Variants in LINGO2 observed in about 807,000 individuals in gnomAD.
LINGO2 encodes leucine rich repeat and Ig domain containing 2.
LINGO2 carries 14 observed loss-of-function variants against 30.6 expected under a neutral mutation model. The ratio of observed to expected loss-of-function variants is 0.46; its 90% CI spans 0.30 to 0.72. LINGO2 has a LOEUF of 0.72. Ranked by LOEUF, LINGO2 falls within the 30% of genes least tolerant of loss-of-function variation. The pLI is 0.07. For synonymous variants in LINGO2, 317 were observed against 288.5 expected, an observed-to-expected ratio of 1.10 and a Z score of -1.00; for missense variants, 729 against 751.7, an observed-to-expected ratio of 0.97 and a Z score of 0.35.
chr9:29,124,851 A>G, the LINGO2 span, among the ~76,000 whole-genome samples: 7 of 152,230 alleles, frequency 4.6e-5, no homozygotes, highest in East Asian at 7.7e-4. Flanking sequence ...AAGACAGTGT[A>G]GCGATTCCTT....
the LINGO2 span, among the ~76,000 whole-genome samples, chr9:28,794,715 CA>C: frequency 2.6e-5 from 4 of 152,106 alleles, no homozygotes; most frequent in African/African-American, 4.8e-5. Flanking sequence ...GCTTTCTCAA[CA>C]GAGATAGAAG....
intron 4 of LINGO2, among the ~76,000 whole-genome samples, chr9:28,091,664 C>A (rs1368785475): frequency 2.6e-5 from 4 of 152,060 alleles, no homozygotes; most frequent in African/African-American, 9.7e-5. Flanking sequence ...TCTAAAACAC[C>A]AAAAGCAATG....
intron 4 of LINGO2, among the ~76,000 whole-genome samples, chr9:28,214,982 T>C (rs1344951077): frequency 6.6e-6 from 1 of 151,728 alleles, no homozygotes; most frequent in African/African-American, 2.4e-5. Flanking sequence ...ACATCCTTCT[T>C]GTTTTTTTAA....
At chr9:28,980,294 T>A in the LINGO2 span, among the ~76,000 whole-genome samples, 3 of 152,120 alleles carry the variant, frequency 2.0e-5, no homozygotes, top group Non-Finnish European at 4.4e-5. Flanking sequence ...CTGATCTCCA[T>A]ACTTCCATCT....
At chr9:28,138,930 T>C (rs1457857684) in intron 4 of LINGO2, among the ~76,000 whole-genome samples, 1 of 152,102 alleles carries the variant, frequency 6.6e-6, no homozygotes, top group East Asian at 1.9e-4. Context: ...GTTATTTGTC[T>C]AAGAAAAAAA....
the LINGO2 span, among the ~76,000 whole-genome samples, chr9:29,197,827 G>C: frequency 1.2e-4 from 19 of 152,080 alleles, no homozygotes; most frequent in South Asian, 6.2e-4. Context: ...TACAGTAACT[G>C]ACAGCAACAG....
At chr9:29,040,027 T>C in the LINGO2 span, among the ~76,000 whole-genome samples, 2 of 152,320 alleles carry the variant, frequency 1.3e-5, no homozygotes, top group Admixed American at 6.5e-5. Context: ...TATATTTTTA[T>C]AGAAATATTT....
chr9:28,397,374 CAT>C (rs375219396), intron 2 of LINGO2, among the ~76,000 whole-genome samples: 1,676 of 116,290 alleles, frequency 0.014, 34 homozygotes, highest in African/African-American at 0.052. Context: ...TATATATATA[CAT>C]ATATATATAT....
intron 4 of LINGO2, among the ~76,000 whole-genome samples, chr9:28,052,192 G>GA (rs1388476148): frequency 1.3e-5 from 2 of 152,046 alleles, no homozygotes; most frequent in Non-Finnish European, 2.9e-5. Flanking sequence ...ATTCTCAAAA[G>GA]AAAACCAAAA....
intron 1 of LINGO2, among the ~76,000 whole-genome samples, chr9:28,497,769 T>C (rs1001525802): frequency 4.6e-5 from 7 of 152,122 alleles, no homozygotes; most frequent in African/African-American, 1.7e-4. Context: ...TCTGCTCTGT[T>C]TTTTCCCCAT....
intron 4 of LINGO2, among the ~76,000 whole-genome samples, chr9:28,229,431 A>G (rs981022463): frequency 2.0e-5 from 3 of 151,778 alleles, no homozygotes; most frequent in African/African-American, 7.2e-5. Context: ...ATAAGTTAAT[A>G]GTAGGAACAA....
At chr9:28,219,845 C>A (rs1820895103) in intron 4 of LINGO2, among the ~76,000 whole-genome samples, 1 of 152,100 alleles carries the variant, frequency 6.6e-6, no homozygotes, top group African/African-American at 2.4e-5. Context: ...AGATTCATAA[C>A]AAAGATTAAA....
the LINGO2 span, among the ~76,000 whole-genome samples, chr9:29,079,633 A>AAGAAAT: frequency 6.6e-6 from 1 of 151,708 alleles, no homozygotes; most frequent in Non-Finnish European, 1.5e-5. Context: ...ATCTAGGTTA[A>AAGAAAT]AGAAATCCTT....
At chr9:29,123,867 G>C in the LINGO2 span, among the ~76,000 whole-genome samples, 1 of 151,954 alleles carries the variant, frequency 6.6e-6, no homozygotes, top group East Asian at 1.9e-4. Flanking sequence ...ACATAAATGA[G>C]ATACATGTAT....
At chr9:28,501,980 A>AGGG (rs1819905618) in intron 1 of LINGO2, among the ~76,000 whole-genome samples, 1 of 151,962 alleles carries the variant, frequency 6.6e-6, no homozygotes, top group Non-Finnish European at 1.5e-5. Flanking sequence ...AGTAGGAGGA[A>AGGG]GGGAGGAAGA....
intron 3 of LINGO2, among the ~76,000 whole-genome samples, chr9:28,310,066 T>C (rs538685824): frequency 1.3e-5 from 2 of 152,176 alleles, no homozygotes; most frequent in South Asian, 2.1e-4. Flanking sequence ...GAGTGTAATA[T>C]GACACAACCA....
At chr9:28,623,461 G>T (rs1826506001) in intron 1 of LINGO2, among the ~76,000 whole-genome samples, 1 of 151,884 alleles carries the variant, frequency 6.6e-6, no homozygotes, top group African/African-American at 2.4e-5. Context: ...CTTTTCCCCA[G>T]TGTATGTTCT....
chr9:29,018,775 T>C, the LINGO2 span, among the ~76,000 whole-genome samples: 39 of 152,286 alleles, frequency 2.6e-4, no homozygotes, highest in African/African-American at 8.9e-4. Context: ...TCTTATGCAC[T>C]GGACTAAGGA....
chr9:27,981,121 A>T (rs1348340200), intron 5 of LINGO2, among the ~76,000 whole-genome samples: 1 of 151,776 alleles, frequency 6.6e-6, no homozygotes, highest in Non-Finnish European at 1.5e-5. Flanking sequence ...TTAAAATTTT[A>T]TTAACAAGTC....
Sources: allele counts gnomAD v4.1 joint callset (sites outside exome capture counted in the v4.1 genomes callset), GRCh38; gene constraint gnomAD v4.1.1; transcripts MANE v1.5; gene names NCBI Gene and HGNC (gene_info 2026-07-23, HGNC 2026-07-21).